Variants in TSPAN18 observed in about 807,000 individuals in gnomAD.
TSPAN18 encodes tetraspanin 18.
In TSPAN18, 14 loss-of-function variants were observed where a neutral mutation model predicts 27.3. The observed-to-expected ratio is 0.51, with a 90% CI of 0.34 to 0.80. The LOEUF (loss-of-function observed/expected upper bound fraction) is 0.80. Ranked by LOEUF, TSPAN18 falls within the 30% of genes least tolerant of loss-of-function variation. The pLI is 0.01. For missense variants in TSPAN18, 268 were observed against 323.9 expected (o/e 0.83, Z 1.32); for synonymous variants, 143 against 136.5 (o/e 1.05, Z -0.33).
chr11:44,767,409 G>A (rs1440398800), intron 2 of TSPAN18, among the ~76,000 whole-genome samples: 1 of 152,258 alleles, frequency 6.6e-6, no homozygotes, highest in Non-Finnish European at 1.5e-5. Context: ...CCCAAGGACA[G>A]TGTTTGTGGG....
chr11:44,921,576 T>G (rs954671766), intron 8 of TSPAN18, among the ~76,000 whole-genome samples: 4 of 152,146 alleles, frequency 2.6e-5, no homozygotes, highest in African/African-American at 9.7e-5. Flanking sequence ...CCCCTCCTTT[T>G]TTCTCTGGCT....
chr11:44,778,690 G>A (rs1855869597), intron 2 of TSPAN18, among the ~76,000 whole-genome samples: 1 of 152,188 alleles, frequency 6.6e-6, no homozygotes, highest in Non-Finnish European at 1.5e-5. Flanking sequence ...TTTCCATTAA[G>A]CGTGTGTGCA....
At chr11:44,872,740 G>T (rs1379636161) in intron 3 of TSPAN18, among the ~76,000 whole-genome samples, 1 of 152,224 alleles carries the variant, frequency 6.6e-6, no homozygotes, top group Non-Finnish European at 1.5e-5. Context: ...GGGAACTGAG[G>T]CACAGAGAGG....
At chr11:44,865,984 T>C (rs574441153) in intron 3 of TSPAN18, among the ~76,000 whole-genome samples, 15 of 152,314 alleles carry the variant, frequency 9.8e-5, no homozygotes, top group African/African-American at 3.4e-4. Flanking sequence ...TCACAAACAA[T>C]GTGGATGGCC....
chr11:44,926,830 C>A, intron 9 of TSPAN18, 73 bp downstream of exon 9: 1 of 1,514,782 alleles, frequency 6.6e-7, no homozygotes. Context: ...ATCCCCCCAG[C>A]CTCCTTTCCT....
chr11:44,868,464 C>T (rs1163359092), intron 3 of TSPAN18, among the ~76,000 whole-genome samples: 1 of 152,050 alleles, frequency 6.6e-6, no homozygotes, highest in East Asian at 1.9e-4. Flanking sequence ...GTGTGGAGGG[C>T]ACCTGGCCTC....
chr11:44,756,081 T>G lies in TSPAN18; in HGVS notation c.-239-8345T>G, dbSNP rs144308671. Among the ~76,000 whole-genome samples the G allele has an allele frequency of 5.9e-5, 9 of 152,272 alleles. No individual in the cohort carries two copies. The East Asian group carries it at 1.7e-3, about 29-fold the overall frequency. On this transcript the variant is annotated intron_variant, in intron 1 of 9. Transcript: ENST00000520358. The stretch of plus-strand genomic sequence containing the variant: ...TGGGTTGGTCAACTCTCTCTCTTCC[T>G]TTGTTCCTTGCTGCCTCTTCCAGGA...
intron 3 of TSPAN18, among the ~76,000 whole-genome samples, chr11:44,870,877 T>C (rs1286732575): frequency 6.6e-6 from 1 of 152,222 alleles, no homozygotes. Context: ...TGTCTTATGT[T>C]AATGACTTCT....
intron 1 of TSPAN18, among the ~76,000 whole-genome samples, chr11:44,730,045 G>A (rs1854614768): frequency 6.6e-6 from 1 of 152,162 alleles, no homozygotes; most frequent in Non-Finnish European, 1.5e-5. Context: ...CTTTTAGGGG[G>A]CTGGGCAGCC....
At chr11:44,904,358 G>C (rs1193137061) in intron 3 of TSPAN18, among the ~76,000 whole-genome samples, 2 of 152,242 alleles carry the variant, frequency 1.3e-5, no homozygotes, top group African/African-American at 4.8e-5. Context: ...CCTTTAGGGA[G>C]GAAAGCCCTC....
intron 2 of TSPAN18, among the ~76,000 whole-genome samples, chr11:44,815,275 TCTC>T (rs1856797954): frequency 6.6e-6 from 1 of 152,240 alleles, no homozygotes; most frequent in East Asian, 1.9e-4. Flanking sequence ...GATGCATTTC[TCTC>T]CTCATTTCTC....
chr11:44,926,018 T>A (rs1860339876), intron 8 of TSPAN18, among the ~76,000 whole-genome samples: 1 of 152,196 alleles, frequency 6.6e-6, no homozygotes, highest in Non-Finnish European at 1.5e-5. Context: ...TCTCTAGGAT[T>A]GCTTAAGAAA....
At chr11:44,743,817 T>G (rs1855007012) in intron 1 of TSPAN18, among the ~76,000 whole-genome samples, 1 of 152,152 alleles carries the variant, frequency 6.6e-6, no homozygotes, top group Non-Finnish European at 1.5e-5. Context: ...AGGAAAAGAC[T>G]TCAGAGATGA....
At chr11:44,753,894 T>C (rs1288556433) in intron 1 of TSPAN18, among the ~76,000 whole-genome samples, 2 of 152,200 alleles carry the variant, frequency 1.3e-5, no homozygotes, top group African/African-American at 2.4e-5. Context: ...TTAATTGTAT[T>C]TGGACGCAAC....
chr11:44,922,861 C>A (rs559108936), intron 8 of TSPAN18, among the ~76,000 whole-genome samples: 2 of 152,210 alleles, frequency 1.3e-5, no homozygotes, highest in Non-Finnish European at 2.9e-5. Flanking sequence ...GTAATCCCAA[C>A]ACTTTGGGAG....
intron 2 of TSPAN18, among the ~76,000 whole-genome samples, chr11:44,768,102 A>G (rs1002856753): frequency 5.9e-5 from 9 of 152,310 alleles, no homozygotes; most frequent in African/African-American, 2.2e-4. Context: ...TGCTTCTCCA[A>G]ATAAACCTTA....
intron 1 of TSPAN18, among the ~76,000 whole-genome samples, chr11:44,732,725 G>A (rs992671525): frequency 2.0e-5 from 3 of 152,192 alleles, no homozygotes; most frequent in African/African-American, 7.2e-5. Context: ...AGGTTGTAAT[G>A]GAAAGAGGAT....
chr11:44,815,012 C>T (rs1402408220), intron 2 of TSPAN18, among the ~76,000 whole-genome samples: 1 of 152,156 alleles, frequency 6.6e-6, no homozygotes, highest in African/African-American at 2.4e-5. Context: ...GGCAGAAGAG[C>T]ATTCCAGGCA....
chr11:44,920,355 G>A (rs1002381063), intron 8 of TSPAN18, among the ~76,000 whole-genome samples: 3 of 152,046 alleles, frequency 2.0e-5, no homozygotes, highest in South Asian at 2.1e-4. Flanking sequence ...ACAGTGGGGG[G>A]CCCTTCTTAG....
Sources: gnomAD v4.1 joint callset for allele counts (sites outside exome capture counted in the v4.1 genomes callset) on GRCh38, gnomAD v4.1.1 for gene constraint, MANE v1.5 for transcripts, NCBI Gene and HGNC (gene_info 2026-07-23, HGNC 2026-07-21) for gene names.